Variants in PLEKHB2 observed in about 807,000 individuals in gnomAD.
PLEKHB2 encodes pleckstrin homology domain containing B2.
PLEKHB2 carries 31 observed loss-of-function variants against 36.5 expected under a neutral mutation model. The observed-to-expected ratio is 0.85, with a 90% CI of 0.64 to 1.15. PLEKHB2 has a LOEUF of 1.15. Among genes scored for constraint, PLEKHB2 ranks in the 50% most tolerant of loss-of-function variants. The pLI is 0.00. For missense variants in PLEKHB2, 262 were observed against 295.3 expected, an observed-to-expected ratio of 0.89 and a Z score of 0.83; for synonymous variants, 119 against 112.0, an observed-to-expected ratio of 1.06 and a Z score of -0.39.
At chr2:131,144,244 G>A (rs1363648244) in intron 7 of PLEKHB2, among the ~76,000 whole-genome samples, 2 of 152,208 alleles carry the variant, frequency 1.3e-5, no homozygotes, top group Non-Finnish European at 2.9e-5. Flanking sequence ...ACCAGTGGTT[G>A]GTCAGCCAAT....
intron 1 of PLEKHB2, among the ~76,000 whole-genome samples, chr2:131,114,286 C>T (rs1388311499): frequency 2.6e-5 from 4 of 152,024 alleles, no homozygotes; most frequent in Admixed American, 1.3e-4. Context: ...CCCCCACGCC[C>T]GGCTAATTTT....
intron 1 of PLEKHB2, among the ~76,000 whole-genome samples, chr2:131,117,763 T>G (rs1304190354): frequency 6.6e-6 from 1 of 152,202 alleles, no homozygotes; most frequent in Non-Finnish European, 1.5e-5. Flanking sequence ...TGCACAGATG[T>G]GATACTGTCT....
intron 1 of PLEKHB2, among the ~76,000 whole-genome samples, chr2:131,113,460 C>T (rs139977859): frequency 7.0e-4 from 106 of 152,256 alleles, no homozygotes; most frequent in African/African-American, 2.5e-3. Flanking sequence ...ATTGTTGTGA[C>T]GTGAGAGCAG....
chr2:131,128,916 A>G (rs1212758414), intron 4 of PLEKHB2, among the ~76,000 whole-genome samples: 2 of 152,256 alleles, frequency 1.3e-5, no homozygotes, highest in African/African-American at 2.4e-5. Context: ...AACAAAATCT[A>G]TATAAGATAT....
rs182861528 is a variant in PLEKHB2, at chr2:131,105,364, C to T, written c.-43C>T. The T allele has an allele frequency of 5.9e-4, 90 of 152,348 alleles. 1 individual carries two copies. Among genetic ancestry groups the T allele is most frequent in the African/African-American group, 1.9e-3 (80 of 41,568 alleles). The allele number at this position is 152,348 out of a possible 1,614,324, so 9.4% of individuals were successfully genotyped here. ...TGCAGGCGAGCAGGCGAGGAATCGC[C>T]GTGGCGTCTTGGTGTTCTCCACGCT... is the stretch of plus-strand genomic sequence containing the variant. On this transcript the variant is annotated 5_prime_UTR_variant, in exon 1 of 8. Transcript: ENST00000693505.
chr2:131,121,903 T>TTTTA (rs201737276), intron 2 of PLEKHB2, among the ~76,000 whole-genome samples: 7,164 of 151,794 alleles, frequency 0.047, 516 homozygotes, highest in African/African-American at 0.16. Flanking sequence ...TGTGTTTTAT[T>TTTTA]TTTATTTATT....
intron 7 of PLEKHB2, among the ~76,000 whole-genome samples, chr2:131,142,841 C>T (rs1275098384): frequency 1.3e-5 from 2 of 152,120 alleles, no homozygotes; most frequent in Non-Finnish European, 2.9e-5. Flanking sequence ...CAGGTGTGAG[C>T]CACCGTGCCT....
chr2:131,140,558 AAAGT>A (rs1285027438), intron 7 of PLEKHB2, among the ~76,000 whole-genome samples: 1 of 152,242 alleles, frequency 6.6e-6, no homozygotes, highest in Non-Finnish European at 1.5e-5. Context: ...AGAAGCAACC[AAAGT>A]AAGAGGCCTA....
intron 1 of PLEKHB2, among the ~76,000 whole-genome samples, chr2:131,115,261 A>G (rs1255815338): frequency 6.6e-6 from 1 of 151,096 alleles, no homozygotes; most frequent in Non-Finnish European, 1.5e-5. Context: ...ACCTGGCCTC[A>G]CTGTTGACAT....
chr2:131,137,924 C>A (rs1196932157), intron 6 of PLEKHB2, among the ~76,000 whole-genome samples: 1 of 151,126 alleles, frequency 6.6e-6, no homozygotes. Context: ...AATCATTATT[C>A]TTGAGTGCTT....
Position 131,148,521 on chromosome 2 carries a change from A to G in PLEKHB2, c.*1748A>G, listed in dbSNP as rs1160184685. ...CCTGAAAATACACTCCAGGTAGCAC[A>G]GACTTGTTATTTTGCCTGGCTGGTT... On this transcript the variant is annotated 3_prime_UTR_variant, in exon 8 of 8. Coordinates refer to ENST00000693505, the MANE Select transcript of PLEKHB2 (RefSeq NM_001100623.2). 6.6e-6 allele frequency: 1 copy of G among 152,182 alleles called. No homozygotes were observed. The highest frequency in any genetic ancestry group is 2.4e-5 in the African/African-American group (1 of 41,424). The allele number at this position is 152,182 out of a possible 1,614,324, so 9.4% of individuals were successfully genotyped here. A position where few individuals can be genotyped will look rare whatever the true frequency, so the allele number is the denominator to read the frequency against.
At chr2:131,121,602 C>A (rs1696526384) in intron 2 of PLEKHB2, among the ~76,000 whole-genome samples, 1 of 152,116 alleles carries the variant, frequency 6.6e-6, no homozygotes, top group South Asian at 2.1e-4. Flanking sequence ...CTGAGCCCAG[C>A]TGAGATACTG....
intron 2 of PLEKHB2, among the ~76,000 whole-genome samples, chr2:131,122,156 A>T (rs1176711552): frequency 6.6e-6 from 1 of 151,906 alleles, no homozygotes; most frequent in African/African-American, 2.4e-5. Flanking sequence ...CGGCCTCCCA[A>T]AGTGCTGGGA....
intron 6 of PLEKHB2, among the ~76,000 whole-genome samples, chr2:131,138,249 A>G (rs971668132): frequency 6.6e-6 from 1 of 151,954 alleles, no homozygotes; most frequent in Non-Finnish European, 1.5e-5. Flanking sequence ...ATGTCTTTAT[A>G]TACTTTTTAC....
At chr2:131,132,181 G>T (rs1256975026) in intron 5 of PLEKHB2, among the ~76,000 whole-genome samples, 2 of 151,748 alleles carry the variant, frequency 1.3e-5, no homozygotes, top group African/African-American at 2.4e-5. Flanking sequence ...AAATTATACT[G>T]GGGAGTAATT....
chr2:131,109,940 C>G (rs1695119764), intron 1 of PLEKHB2, among the ~76,000 whole-genome samples: 1 of 151,804 alleles, frequency 6.6e-6, no homozygotes, highest in Admixed American at 6.6e-5. Flanking sequence ...CGGTGAAACC[C>G]TGTCTCTACT....
intron 7 of PLEKHB2, among the ~76,000 whole-genome samples, chr2:131,142,979 A>T (rs1297465234): frequency 6.6e-6 from 1 of 152,144 alleles, no homozygotes; most frequent in African/African-American, 2.4e-5. Context: ...AACAATGTAC[A>T]TTTAGTAGAA....
chr2:131,146,576 T>A (rs568966956), intron 7 of PLEKHB2, 61 bp from the exon 8 acceptor site: 9 of 1,534,844 alleles, frequency 5.9e-6, no homozygotes, highest in Non-Finnish European at 7.1e-6. Context: ...ACTGGTACTT[T>A]GCGTGATGTT....
chr2:131,116,226 A>G (rs1158241626), intron 1 of PLEKHB2, among the ~76,000 whole-genome samples: 1 of 151,930 alleles, frequency 6.6e-6, no homozygotes, highest in Non-Finnish European at 1.5e-5. Flanking sequence ...TTCTTTTTGA[A>G]TCTTACTCAA....
Sources: allele counts gnomAD v4.1 joint callset (sites outside exome capture counted in the v4.1 genomes callset), GRCh38; gene constraint gnomAD v4.1.1; transcripts MANE v1.5; gene names NCBI Gene and HGNC (gene_info 2026-07-23, HGNC 2026-07-21).